LMO7: variants seen among roughly 807,000 people sequenced by gnomAD.
The protein encoded by LMO7 is LIM domain 7.
In LMO7, 120 loss-of-function variants were observed where a neutral mutation model predicts 206.5. The observed-to-expected ratio is 0.58, with a 90% CI of 0.50 to 0.68. LMO7 has a LOEUF of 0.68. Ranked by LOEUF, LMO7 falls within the 30% of genes least tolerant of loss-of-function variation. The pLI, the probability that LMO7 is intolerant of heterozygous loss-of-function variation, is 0.00. For missense variants in LMO7, 1,959 were observed against 1,957.9 expected, an observed-to-expected ratio of 1.00 and a Z score of -0.01; for synonymous variants, 706 against 681.5, an observed-to-expected ratio of 1.04 and a Z score of -0.56.
chr13:75,774,502 C>T (rs1340554402), intron 4 of LMO7, among the ~76,000 whole-genome samples: 3 of 152,078 alleles, frequency 2.0e-5, no homozygotes, highest in Non-Finnish European at 4.4e-5. Context: ...TATAAGTTGT[C>T]CCACATTCTC....
upstream of LMO7, among the ~76,000 whole-genome samples, chr13:75,634,454 A>G (rs926528101): frequency 5.3e-5 from 8 of 151,554 alleles, no homozygotes; most frequent in Non-Finnish European, 8.8e-5. Flanking sequence ...AAAACAAACA[A>G]GAACGGCTGG....
intron 4 of LMO7, among the ~76,000 whole-genome samples, chr13:75,784,027 T>C (rs1461543257): frequency 1.3e-5 from 2 of 152,116 alleles, no homozygotes; most frequent in Admixed American, 6.5e-5. Context: ...GGAAATTTTG[T>C]ACCCCCCTTC....
At chr13:75,711,168 A>C (rs1245179618) in intron 1 of LMO7, among the ~76,000 whole-genome samples, 1 of 152,192 alleles carries the variant, frequency 6.6e-6, no homozygotes, top group African/African-American at 2.4e-5. Context: ...CATGGTGGAT[A>C]AGCTTCTTGA....
At chr13:75,798,289 G>C (rs1174838248) in intron 6 of LMO7, among the ~76,000 whole-genome samples, 4 of 152,198 alleles carry the variant, frequency 2.6e-5, no homozygotes, top group African/African-American at 9.6e-5. Flanking sequence ...AGAGTCGCTT[G>C]AACCTGGGAG....
chr13:75,745,875 T>C (rs1357015359), intron 3 of LMO7, among the ~76,000 whole-genome samples: 6 of 152,228 alleles, frequency 3.9e-5, no homozygotes, highest in Non-Finnish European at 8.8e-5. Context: ...AGAGGAGGCT[T>C]GCTGCCTTAG....
At chr13:75,773,551 A>G (rs1370679415) in intron 4 of LMO7, among the ~76,000 whole-genome samples, 1 of 152,170 alleles carries the variant, frequency 6.6e-6, no homozygotes, top group Non-Finnish European at 1.5e-5. Flanking sequence ...GTGAACAGGT[A>G]GATGAAGAAA....
intron 15 of LMO7, among the ~76,000 whole-genome samples, chr13:75,824,157 T>A (rs1452273921): frequency 6.6e-6 from 1 of 152,158 alleles, no homozygotes; most frequent in Non-Finnish European, 1.5e-5. Context: ...TCAGTAGTGG[T>A]TGCCTTATAC....
chr13:75,640,545 C>T lies in LMO7; in HGVS notation c.69+3819C>T, dbSNP rs572141547. On this transcript the variant is annotated intron_variant, in intron 1 of 30. Transcript: ENST00000377534. ...AAATCGCCAAACCTCCAGCCCCACC[C>T]ATTCCTTTCTCTCCTGTCTTACATA... Among the ~76,000 whole-genome samples, 7 of 152,292 alleles carry T rather than the reference C, an allele frequency of 4.6e-5. No homozygotes were observed. The South Asian group carries it at 1.2e-3, about 27-fold the overall frequency.
chr13:75,621,799 CT>C lies in LMO7; in HGVS notation c.107del (p.Leu36ArgfsTer25). 6.2e-7 allele frequency: 1 copy of C among 1,613,172 alleles called. No individual in the cohort carries two copies. Among genetic ancestry groups the C allele is most frequent in the Non-Finnish European group, 8.5e-7 (1 of 1,179,500 alleles). On this transcript the variant is annotated frameshift_variant, in exon 1 of 30. Transcript: ENST00000341547. LOFTEE classifies it high-confidence loss of function. Reference sequence around the variant, plus strand: ...CGGAGCTCTGGAAATTTGGAGGCAACTGATATGTGCTCATGTCTGCATCTGT... The same window carrying C: ...CGGAGCTCTGGAAATTTGGAGGCAACGATATGTGCTCATGTCTGCATCTGT...
In LMO7 at chr13:75,791,951, C is replaced by G. The variant is rs191452007; in HGVS notation, c.318-3450C>G. On this transcript the variant is annotated intron_variant, in intron 4 of 30. Transcript: ENST00000377534. ...GCAGGTATGGGTTCTTTGTTCTCTTCTCTCTCCCCTCTCCCCTCTTCTCTT... is the reference window on the plus strand; with the variant it reads ...GCAGGTATGGGTTCTTTGTTCTCTTGTCTCTCCCCTCTCCCCTCTTCTCTT... Among the ~76,000 whole-genome samples, 424 of 152,114 alleles carry G rather than the reference C, an allele frequency of 2.8e-3. 4 individuals carry two copies. Among genetic ancestry groups the G allele is most frequent in the Non-Finnish European group, 4.6e-3 (314 of 68,016 alleles).
chr13:75,828,749 A>T (rs936389224), intron 15 of LMO7, among the ~76,000 whole-genome samples: 1 of 152,206 alleles, frequency 6.6e-6, no homozygotes, highest in Non-Finnish European at 1.5e-5. Flanking sequence ...AGGAGGGGTA[A>T]CCACAGGAGT....
intron 11 of LMO7, among the ~76,000 whole-genome samples, chr13:75,809,828 AT>A (rs35825600): frequency 0.096 from 11,815 of 122,460 alleles, 275 homozygotes; most frequent in East Asian, 0.15. Context: ...CAAAAACTAC[AT>A]TTTTTTTTTT....
intron 1 of LMO7, among the ~76,000 whole-genome samples, chr13:75,683,018 G>C (rs2139528676): frequency 6.6e-6 from 1 of 151,146 alleles, no homozygotes; most frequent in East Asian, 1.9e-4. Context: ...TCTTTTATCA[G>C]ATATGTTTTG....
At chr13:75,813,085 G>C in intron 11 of LMO7, among the ~76,000 whole-genome samples, 1 of 152,234 alleles carries the variant, frequency 6.6e-6, no homozygotes, top group Non-Finnish European at 1.5e-5. Context: ...TCGCCTCTGA[G>C]ATAATTCACG....
intron 14 of LMO7, among the ~76,000 whole-genome samples, chr13:75,822,757 A>C (rs1370920493): frequency 2.1e-5 from 2 of 95,990 alleles, no homozygotes; most frequent in African/African-American, 4.6e-5. Context: ...AATTATTTTT[A>C]GAAACTATAT....
chr13:75,806,541 G>A (rs1301670764), intron 9 of LMO7: 1 of 152,240 alleles, frequency 6.6e-6, no homozygotes, highest in East Asian at 1.9e-4. Flanking sequence ...GGTTCAAAAA[G>A]GCTTGTTAGA....
At chr13:75,746,102 G>T (rs2046817016) in intron 3 of LMO7, among the ~76,000 whole-genome samples, 1 of 152,164 alleles carries the variant, frequency 6.6e-6, no homozygotes, top group African/African-American at 2.4e-5. Context: ...ACGTTTTGAT[G>T]GAAGAGTGTA....
intron 4 of LMO7, among the ~76,000 whole-genome samples, chr13:75,794,328 G>A (rs1302394621): frequency 6.6e-6 from 1 of 152,062 alleles, no homozygotes; most frequent in African/African-American, 2.4e-5. Flanking sequence ...TTTGGGAGGT[G>A]GGTAAGAGGT....
In LMO7 at chr13:75,845,366, C is replaced by A; in HGVS notation, c.4137C>A (p.Ser1379=). ...CTACTACTGAACTGGATGATTACTC[C>A]ACAAATAAAAATGGTAAATGCGATA... ...SRSTTELDDY[S]TNKNGNNKYL... Residue 1379 remains serine, a synonymous_variant, in exon 26 of 31, where the codon TCC becomes TCA. Transcript: ENST00000377534. 1 of 1,581,916 alleles carries A rather than the reference C, an allele frequency of 6.3e-7. No individual in the cohort carries two copies. Among genetic ancestry groups the A allele is most frequent in the Non-Finnish European group, 8.7e-7 (1 of 1,154,442 alleles).
Sources: gnomAD v4.1 joint callset for allele counts (sites outside exome capture counted in the v4.1 genomes callset) on GRCh38, gnomAD v4.1.1 for gene constraint, MANE v1.5 for transcripts, NCBI Gene and HGNC (gene_info 2026-07-23, HGNC 2026-07-21) for gene names.